Variants in STXBP5L observed in about 807,000 individuals in gnomAD.
STXBP5L encodes the protein syntaxin binding protein 5L, also known as syntaxin-binding protein 5-like.
A neutral mutation model predicts 144.5 loss-of-function variants in STXBP5L; 65 were observed. The observed-to-expected ratio is 0.45, with a 90% CI of 0.37 to 0.55. STXBP5L has a LOEUF of 0.55. Ranked by LOEUF, STXBP5L falls within the 20% of genes least tolerant of loss-of-function variation. The pLI, the probability that STXBP5L is intolerant of heterozygous loss-of-function variation, is 0.00. For synonymous variants in STXBP5L, 505 were observed against 469.6 expected (o/e 1.08, Z -0.97); for missense variants, 1,298 against 1,405.5 (o/e 0.92, Z 1.22).
intron 20 of STXBP5L, among the ~76,000 whole-genome samples, chr3:121,333,394 A>G (rs1319090953): frequency 6.6e-6 from 1 of 152,172 alleles, no homozygotes; most frequent in East Asian, 1.9e-4. Flanking sequence ...AGGGAAATTT[A>G]TAGCACTAAA....
At chr3:121,115,209 A>G in intron 6 of STXBP5L, 150 bp downstream of exon 6, 2 of 731,084 alleles carry the variant, frequency 2.7e-6, no homozygotes, top group South Asian at 5.1e-5. Flanking sequence ...AAAGCCATAA[A>G]AGCTTTTAAA....
At chr3:121,239,143 T>C (rs763195428) in intron 13 of STXBP5L, 25 bp downstream of exon 13, 3 of 1,343,924 alleles carry the variant, frequency 2.2e-6, no homozygotes, top group Non-Finnish European at 3.0e-6. Flanking sequence ...TATAAATAAC[T>C]TTTTTTGTAT....
intron 3 of STXBP5L, among the ~76,000 whole-genome samples, chr3:121,034,539 A>T (rs1946619519): frequency 6.6e-6 from 1 of 151,050 alleles, no homozygotes; most frequent in Non-Finnish European, 1.5e-5. Context: ...CTATCTATCT[A>T]TCTATCATCT....
chr3:121,413,452 A>ATT, intron 24 of STXBP5L, 129 bp downstream of exon 24: 1 of 792,260 alleles, frequency 1.3e-6, no homozygotes, highest in Non-Finnish European at 1.8e-6. Flanking sequence ...TTTTGAATAT[A>ATT]TATTCTTCAT....
At chr3:121,313,074 C>T (rs1289849131) in intron 19 of STXBP5L, among the ~76,000 whole-genome samples, 1 of 149,626 alleles carries the variant, frequency 6.7e-6, no homozygotes, top group Non-Finnish European at 1.5e-5. Context: ...GATGGGGCGG[C>T]TGGCCGGGCG....
chr3:121,307,992 A>G (rs1428801280), intron 19 of STXBP5L, among the ~76,000 whole-genome samples: 1 of 152,350 alleles, frequency 6.6e-6, no homozygotes, highest in East Asian at 1.9e-4. Flanking sequence ...ACAGCTCATC[A>G]GAAACAATGG....
intron 19 of STXBP5L, among the ~76,000 whole-genome samples, chr3:121,288,406 G>A (rs1233041198): frequency 6.6e-6 from 1 of 152,200 alleles, no homozygotes; most frequent in South Asian, 2.1e-4. Flanking sequence ...AGTTCTTTGA[G>A]AAATTGCCAC....
In STXBP5L at chr3:121,194,858, A is replaced by G. The variant is rs902677812; in HGVS notation, c.878-11065A>G. 2.0e-5 allele frequency among the ~76,000 whole-genome samples: 3 copies of G among 149,674 alleles called. No individual in the cohort carries two copies. In the South Asian group the frequency reaches 6.3e-4, roughly 31 times the overall value. On this transcript the variant is annotated intron_variant, in intron 9 of 26. Coordinates refer to ENST00000471454, the MANE Select transcript of STXBP5L (RefSeq NM_001308330.2). ...ATTTGTTGGAATATTGTTATTAATAATACTCCATTACAATCTTTTTAATTC... is the reference window on the plus strand; with the variant it reads ...ATTTGTTGGAATATTGTTATTAATAGTACTCCATTACAATCTTTTTAATTC...
chr3:121,149,915 A>G (rs1279866179), intron 7 of STXBP5L, among the ~76,000 whole-genome samples: 14 of 151,946 alleles, frequency 9.2e-5, no homozygotes, highest in Admixed American at 7.2e-4. Context: ...TCATTAAAAC[A>G]TTTTCAGTTT....
At chr3:120,956,433 C>T (rs967306737) in intron 3 of STXBP5L, among the ~76,000 whole-genome samples, 1 of 151,844 alleles carries the variant, frequency 6.6e-6, no homozygotes, top group African/African-American at 2.4e-5. Flanking sequence ...CAGTATTCTT[C>T]TTTTTTGTGA....
intron 20 of STXBP5L, among the ~76,000 whole-genome samples, chr3:121,356,041 C>A (rs536557458): frequency 6.6e-6 from 1 of 152,234 alleles, no homozygotes; most frequent in Non-Finnish European, 1.5e-5. Context: ...GCAAATATTG[C>A]TGCCTAATCC....
rs1229050414 is a variant in STXBP5L at position 121,033,585 on chromosome 3, A to AC, written c.288-8115_288-8114insC. Reference sequence around the variant, plus strand: ...TTAAAGTACAATTAAAAAAAAAAAAAACATTAAAAAATAAATAAATAAATA... The same window carrying AC: ...TTAAAGTACAATTAAAAAAAAAAAAACACATTAAAAAATAAATAAATAAATA... On this transcript the variant is annotated intron_variant, in intron 3 of 26. Coordinates refer to ENST00000471454, the MANE Select transcript of STXBP5L (RefSeq NM_001308330.2). Among the ~76,000 whole-genome samples, 4 of 150,688 alleles carry AC rather than the reference A, an allele frequency of 2.7e-5. No homozygotes were observed. The East Asian group carries it at 7.7e-4, about 29-fold the overall frequency.
chr3:121,076,961 T>C lies in STXBP5L; in HGVS notation c.470+31426T>C, dbSNP rs1475643317. ...AGCTGCAGCTGTGGAACTGGTTCTA[T>C]GGACTGTATGCAGTGTCCTAGGTCT... On this transcript the variant is annotated intron_variant, in intron 5 of 26. Coordinates refer to ENST00000471454, the MANE Select transcript of STXBP5L (RefSeq NM_001308330.2). Among the ~76,000 whole-genome samples, 4 of 152,168 alleles carry C rather than the reference T, an allele frequency of 2.6e-5. No homozygotes were observed. In the East Asian group the frequency reaches 7.7e-4, roughly 29 times the overall value.
At chr3:121,265,459 C>G (rs2050531514) in intron 18 of STXBP5L, among the ~76,000 whole-genome samples, 1 of 152,154 alleles carries the variant, frequency 6.6e-6, no homozygotes, top group Non-Finnish European at 1.5e-5. Flanking sequence ...ATCTCTGGGA[C>G]ACAGCTAAAG....
chr3:121,252,399 A>AATAC (rs1355962186), intron 15 of STXBP5L, among the ~76,000 whole-genome samples: 1 of 151,786 alleles, frequency 6.6e-6, no homozygotes, highest in Admixed American at 6.6e-5. Context: ...TAAATAAATA[A>AATAC]ATAAAATAAA....
At chr3:121,174,596 G>A (rs2046860404) in intron 9 of STXBP5L, among the ~76,000 whole-genome samples, 1 of 152,074 alleles carries the variant, frequency 6.6e-6, no homozygotes, top group Non-Finnish European at 1.5e-5. Context: ...CACCCTTGGA[G>A]GCCACTAAAG....
chr3:121,193,487 A>G (rs972231570), intron 9 of STXBP5L, among the ~76,000 whole-genome samples: 9 of 152,034 alleles, frequency 5.9e-5, no homozygotes, highest in African/African-American at 1.9e-4. Context: ...TACCCAAAGG[A>G]TTATAAATCA....
At chr3:121,055,408 T>G (rs1948384415) in intron 5 of STXBP5L, among the ~76,000 whole-genome samples, 1 of 152,172 alleles carries the variant, frequency 6.6e-6, no homozygotes, top group Admixed American at 6.6e-5. Context: ...AAATTTTAGC[T>G]TATTTTATTA....
At position 121,072,294 on chromosome 3, in the gene STXBP5L, G is replaced by A. The variant is rs1317169382; in HGVS notation, c.470+26759G>A. Among the ~76,000 whole-genome samples, 11 of 152,194 alleles carry A rather than the reference G, an allele frequency of 7.2e-5. 1 individual carries two copies. The highest frequency in any genetic ancestry group is 1.6e-4 in the Non-Finnish European group (11 of 68,034). ...GCAGCTCCATAAAGTCCACAAGCAG[G>A]TTTTCACAGGGTATAACTCCAGTTT... On this transcript the variant is annotated intron_variant, in intron 5 of 26. Coordinates refer to ENST00000471454, the MANE Select transcript of STXBP5L (RefSeq NM_001308330.2).
Sources: gnomAD v4.1 joint callset for allele counts (sites outside exome capture counted in the v4.1 genomes callset) on GRCh38, gnomAD v4.1.1 for gene constraint, MANE v1.5 for transcripts, NCBI Gene and HGNC (gene_info 2026-07-23, HGNC 2026-07-21) for gene names.